PDE4D: variants seen among roughly 807,000 people sequenced by gnomAD.
PDE4D encodes phosphodiesterase 4D.
A neutral mutation model predicts 87.4 loss-of-function variants in PDE4D; 24 were observed. The observed-to-expected ratio is 0.27, with a 90% CI of 0.20 to 0.39. The LOEUF (loss-of-function observed/expected upper bound fraction) is 0.39. PDE4D is among the 10% of genes least tolerant of loss of function. PDE4D has a pLI of 1.00. For missense variants in PDE4D, 714 were observed against 1,041.0 expected, an observed-to-expected ratio of 0.69 and a Z score of 4.32; for synonymous variants, 384 against 383.2, an observed-to-expected ratio of 1.00 and a Z score of -0.02.
At chr5:59,536,349 C>CA (rs1815231322) in intron 1 of PDE4D, among the ~76,000 whole-genome samples, 1 of 151,136 alleles carries the variant, frequency 6.6e-6, no homozygotes, top group Admixed American at 6.6e-5. Flanking sequence ...ACTAAAAATA[C>CA]AAAAAATTAG....
intron 1 of PDE4D, among the ~76,000 whole-genome samples, chr5:59,596,245 A>T (rs1826664781): frequency 6.6e-6 from 1 of 150,856 alleles, no homozygotes; most frequent in Non-Finnish European, 1.5e-5. Context: ...TAACATATGT[A>T]TATTACATAT....
chr5:59,158,910 C>T (rs184586212), intron 5 of PDE4D, among the ~76,000 whole-genome samples: 40 of 152,204 alleles, frequency 2.6e-4, no homozygotes, highest in South Asian at 1.5e-3. Flanking sequence ...TAATAGCAAA[C>T]GGTTCTAGTT....
chr5:59,816,926 T>C (rs190422685), intron 1 of PDE4D, among the ~76,000 whole-genome samples: 12 of 152,310 alleles, frequency 7.9e-5, no homozygotes, highest in Non-Finnish European at 1.2e-4. Flanking sequence ...ATCCACAGCA[T>C]GGCAAGTGAG....
At chr5:59,742,062 T>C (rs1309502314) in intron 1 of PDE4D, among the ~76,000 whole-genome samples, 1 of 151,992 alleles carries the variant, frequency 6.6e-6, no homozygotes, top group African/African-American at 2.4e-5. Flanking sequence ...TCATCTTCTT[T>C]TGGGGGGAGG....
chr5:59,672,850 T>C (rs954980846), intron 1 of PDE4D, among the ~76,000 whole-genome samples: 11 of 152,234 alleles, frequency 7.2e-5, no homozygotes, highest in African/African-American at 2.7e-4. Context: ...CTGTAACCAT[T>C]GAACATACAC....
intron 5 of PDE4D, among the ~76,000 whole-genome samples, chr5:59,056,089 G>GC (rs774399834): frequency 3.3e-5 from 5 of 152,154 alleles, no homozygotes; most frequent in Non-Finnish European, 4.4e-5. Flanking sequence ...GGATATCCAT[G>GC]CCCCGCCTCC....
intron 3 of PDE4D, among the ~76,000 whole-genome samples, chr5:59,914,572 G>A (rs113269920): frequency 3.2e-5 from 3 of 94,232 alleles, no homozygotes; most frequent in Non-Finnish European, 4.0e-5. Context: ...GTGCATGTGC[G>A]TGTGTGTGTG....
intron 2 of PDE4D, among the ~76,000 whole-genome samples, chr5:60,141,576 C>T (rs1339141677): frequency 6.6e-6 from 1 of 152,098 alleles, no homozygotes; most frequent in East Asian, 1.9e-4. Context: ...TACATATGGG[C>T]TAATAACAAG....
At chr5:60,066,611 A>G (rs1220586924) in intron 2 of PDE4D, among the ~76,000 whole-genome samples, 1 of 151,892 alleles carries the variant, frequency 6.6e-6, no homozygotes, top group Non-Finnish European at 1.5e-5. Flanking sequence ...CATCATCATC[A>G]TCATCATCAT....
intron 1 of PDE4D, among the ~76,000 whole-genome samples, chr5:59,392,801 G>C (rs1056619741): frequency 6.6e-6 from 1 of 152,134 alleles, no homozygotes; most frequent in East Asian, 1.9e-4. Context: ...TGCTGGAAGA[G>C]TCCTGAAAGG....
At chr5:60,510,338 G>T (rs528075678) in intron 1 of PDE4D, among the ~76,000 whole-genome samples, 1 of 152,142 alleles carries the variant, frequency 6.6e-6, no homozygotes, top group South Asian at 2.1e-4. Flanking sequence ...TCTGTCCTTG[G>T]TTTCCATCTC....
intron 1 of PDE4D, among the ~76,000 whole-genome samples, chr5:59,577,998 A>G (rs574298086): frequency 5.8e-4 from 89 of 152,278 alleles, no homozygotes; most frequent in African/African-American, 2.1e-3. Flanking sequence ...GAGACTGGTG[A>G]CACTTTCAAG....
chr5:59,640,787 C>T (rs571882602), intron 1 of PDE4D, among the ~76,000 whole-genome samples: 1 of 152,180 alleles, frequency 6.6e-6, no homozygotes, highest in African/African-American at 2.4e-5. Flanking sequence ...ACCTCTTGCA[C>T]AGAAAACAAA....
chr5:59,203,769 CA>C (rs1440407701), intron 2 of PDE4D, among the ~76,000 whole-genome samples: 2 of 152,094 alleles, frequency 1.3e-5, no homozygotes, highest in Non-Finnish European at 2.9e-5. Flanking sequence ...TGATCTCACA[CA>C]TATGTGGAAT....
intron 1 of PDE4D, among the ~76,000 whole-genome samples, chr5:59,462,447 A>T (rs574538681): frequency 1.3e-5 from 2 of 152,120 alleles, no homozygotes; most frequent in African/African-American, 4.8e-5. Context: ...CTAATTTCCT[A>T]AGTAGCATCT....
chr5:59,587,710 C>T, intron 1 of PDE4D: 2 of 652,488 alleles, frequency 3.1e-6, no homozygotes, highest in Non-Finnish European at 3.8e-6. Context: ...GGTTCCCAGA[C>T]ATTGCAGAGC....
At chr5:59,912,828 A>T (rs1256337007) in intron 3 of PDE4D, among the ~76,000 whole-genome samples, 1 of 152,210 alleles carries the variant, frequency 6.6e-6, no homozygotes, top group African/African-American at 2.4e-5. Context: ...ACAATAACAC[A>T]TAATAAATCT....
intron 1 of PDE4D, among the ~76,000 whole-genome samples, chr5:59,656,203 A>T (rs894017291): frequency 1.3e-5 from 2 of 152,120 alleles, no homozygotes; most frequent in Non-Finnish European, 2.9e-5. Flanking sequence ...ACTCATGCAC[A>T]GGACATTCAA....
At position 60,449,071 on chromosome 5, in the gene PDE4D, G is replaced by A. The variant is rs865920597; in HGVS notation, c.-90+38871C>T. Among the ~76,000 whole-genome samples, 282 of 95,098 alleles carry A rather than the reference G, an allele frequency of 3.0e-3. 1 individual carries two copies. The highest frequency in any genetic ancestry group is 0.026 in the East Asian group (91 of 3,458). The allele number at this position is 95,098 out of a possible 152,430, so 62.4% of individuals were successfully genotyped here. On this transcript the variant is annotated intron_variant, in intron 1 of 16. Coordinates refer to the PDE4D transcript ENST00000502484. ...TTCACCCACCCCCCCAACTGCCCGC[G>A]CACACACACACACACACACACACAC...
Sources: allele counts gnomAD v4.1 joint callset (sites outside exome capture counted in the v4.1 genomes callset), GRCh38; gene constraint gnomAD v4.1.1; transcripts MANE v1.5; gene names NCBI Gene and HGNC (gene_info 2026-07-23, HGNC 2026-07-21).